The following NAV2 variants were observed in gnomAD, a reference collection of about 807,000 sequenced individuals.
NAV2 encodes the protein helicase, APC down-regulated 1.
In NAV2, 54 loss-of-function variants were observed where a neutral mutation model predicts 223.2. The ratio of observed to expected loss-of-function variants is 0.24; its 90% confidence interval spans 0.19 to 0.30. NAV2 has a LOEUF of 0.30. NAV2 is among the 10% of genes least tolerant of loss of function. The pLI is 1.00. For synonymous variants in NAV2, 1,279 were observed against 1,239.3 expected (o/e 1.03, Z -0.67); for missense variants, 2,806 against 3,147.5 (o/e 0.89, Z 2.60).
chr11:19,955,959 G>A lies in NAV2; in HGVS notation c.2645+6879G>A, dbSNP rs117795526. On this transcript the variant is annotated intron_variant, in intron 10 of 37. Coordinates refer to ENST00000349880, the MANE Select transcript of NAV2 (RefSeq NM_145117.5). Reference sequence around the variant, plus strand: ...TTATGGCAGGTTCCAGCAGGGTGTGGCAGGCATCTCGAGATTTGGAAAGGA... The same window carrying A: ...TTATGGCAGGTTCCAGCAGGGTGTGACAGGCATCTCGAGATTTGGAAAGGA... Among the ~76,000 whole-genome samples, 406 of 152,250 alleles carry A rather than the reference G, an allele frequency of 2.7e-3. 2 individuals are homozygous for A. The highest frequency in any genetic ancestry group is 3.7e-3 in the Non-Finnish European group (250 of 68,028).
rs1234190149 is a variant in NAV2 at position 20,114,812 on chromosome 11, C to T, written c.7164+17C>T. On this transcript the variant is annotated intron_variant, in intron 37 of 37. Coordinates refer to ENST00000349880, the MANE Select transcript of NAV2 (RefSeq NM_145117.5). Reference sequence around the variant, plus strand: ...GACCCGCTGGTGAGTCCTCAGCCACCAGAGCAGCTCAGCATTCCTTTAGCA... The same window carrying T: ...GACCCGCTGGTGAGTCCTCAGCCACTAGAGCAGCTCAGCATTCCTTTAGCA... The T allele has an allele frequency of 4.4e-6, 7 of 1,606,154 alleles. No individual in the cohort carries two copies. The highest frequency in any genetic ancestry group is 2.2e-5 in the East Asian group (1 of 44,606).
intron 5 of NAV2, among the ~76,000 whole-genome samples, chr11:19,891,374 G>A (rs1327238616): frequency 6.6e-6 from 1 of 152,188 alleles, no homozygotes; most frequent in Non-Finnish European, 1.5e-5. Flanking sequence ...AGCCTGCTTA[G>A]TAATTCCCTG....
At position 19,650,888 on chromosome 11, in the gene NAV2, G is replaced by A. The variant is rs561387732; in HGVS notation, c.76-181596G>A. On this transcript the variant is annotated intron_variant, in intron 1 of 37. Transcript: ENST00000360655. Reference sequence around the variant, plus strand: ...AAAGGCAAACTTAATCTTTAATGACGGAAAACAGAAAGTAGAGCTTTTGGG... The same window carrying A: ...AAAGGCAAACTTAATCTTTAATGACAGAAAACAGAAAGTAGAGCTTTTGGG... 5.6e-4 allele frequency among the ~76,000 whole-genome samples: 85 copies of A among 152,226 alleles called. 1 individual carries two copies. Among genetic ancestry groups the A allele is most frequent in the Non-Finnish European group, 1.1e-3 (73 of 68,006 alleles).
At chr11:19,615,366 G>A (rs1309708859) in intron 1 of NAV2, among the ~76,000 whole-genome samples, 3 of 151,908 alleles carry the variant, frequency 2.0e-5, no homozygotes, top group Non-Finnish European at 4.4e-5. Flanking sequence ...GTAAAATGGG[G>A]ATAATAATAG....
intron 1 of NAV2, among the ~76,000 whole-genome samples, chr11:19,372,146 A>T (rs1325738197): frequency 1.3e-5 from 2 of 152,220 alleles, no homozygotes; most frequent in African/African-American, 4.8e-5. Context: ...ACCTGGATAT[A>T]ATTCTAGCTT....
At chr11:19,901,007 T>C (rs1396527900) in intron 6 of NAV2, among the ~76,000 whole-genome samples, 2 of 152,228 alleles carry the variant, frequency 1.3e-5, no homozygotes, top group African/African-American at 4.8e-5. Context: ...AAGCATTCTT[T>C]CTCATTTTTT....
chr11:19,796,626 G>C (rs1218522647), intron 1 of NAV2, among the ~76,000 whole-genome samples: 2 of 152,202 alleles, frequency 1.3e-5, no homozygotes, highest in Non-Finnish European at 2.9e-5. Context: ...TGAAACTGGT[G>C]TGCCCAGTCG....
intron 1 of NAV2, among the ~76,000 whole-genome samples, chr11:19,521,400 C>T (rs758522805): frequency 1.1e-4 from 16 of 152,136 alleles, no homozygotes; most frequent in East Asian, 1.9e-4. Flanking sequence ...TTAGAATCCA[C>T]GGCCAAATCG....
intron 11 of NAV2, among the ~76,000 whole-genome samples, chr11:20,034,962 G>T (rs1301805149): frequency 6.6e-6 from 1 of 152,174 alleles, no homozygotes; most frequent in East Asian, 1.9e-4. Context: ...CAATGGAGAG[G>T]GGTGCAAAAC....
At chr11:19,534,689 T>C (rs185778472) in intron 1 of NAV2, among the ~76,000 whole-genome samples, 132 of 152,200 alleles carry the variant, frequency 8.7e-4, no homozygotes, top group Non-Finnish European at 1.6e-3. Context: ...GCAGCAGGGC[T>C]CCCTGTGCAA....
chr11:19,464,039 C>T (rs1291070011), intron 1 of NAV2, among the ~76,000 whole-genome samples: 3 of 152,190 alleles, frequency 2.0e-5, no homozygotes, highest in East Asian at 1.9e-4. Context: ...TGAAAATCCT[C>T]GAATTCAGTG....
rs539574571 is a variant in NAV2, at chr11:20,000,856, G to A, written c.2768+16609G>A. Reference sequence around the variant, plus strand: ...TCTGTAGCACGTCCTTGTGTGCTGCGGTTCCTGGCACTGTCTCTCTGCTCT... The same window carrying A: ...TCTGTAGCACGTCCTTGTGTGCTGCAGTTCCTGGCACTGTCTCTCTGCTCT... On this transcript the variant is annotated intron_variant, in intron 11 of 37. Coordinates refer to ENST00000349880, the MANE Select transcript of NAV2 (RefSeq NM_145117.5). 4.3e-4 allele frequency among the ~76,000 whole-genome samples: 65 copies of A among 152,228 alleles called. 1 individual carries two copies. The highest frequency in any genetic ancestry group is 1.4e-3 in the African/African-American group (58 of 41,538).
intron 1 of NAV2, among the ~76,000 whole-genome samples, chr11:19,474,870 C>T (rs895723901): frequency 1.3e-5 from 2 of 152,198 alleles, no homozygotes; most frequent in African/African-American, 4.8e-5. Context: ...TCAGTTTCCC[C>T]ATCTGTGAAG....
intron 3 of NAV2, among the ~76,000 whole-genome samples, chr11:19,846,860 G>A (rs1293006257): frequency 6.6e-6 from 1 of 152,172 alleles, no homozygotes; most frequent in Admixed American, 6.5e-5. Flanking sequence ...AGCAAGCCCA[G>A]CCTTGGCTTG....
rs548620658 is a variant in NAV2, at chr11:19,602,497, G to A, written c.76-229987G>A. Among the ~76,000 whole-genome samples, 9 of 152,172 alleles carry A rather than the reference G, an allele frequency of 5.9e-5. No individual in the cohort carries two copies. The South Asian group carries it at 1.7e-3, about 28-fold the overall frequency. ...AGCCACTTCTCTGCAAGTCTTGAAG[G>A]GAGAGTATATTAGTTTCCTGGGGCT... On this transcript the variant is annotated intron_variant, in intron 1 of 37. Transcript: ENST00000360655.
intron 6 of NAV2, among the ~76,000 whole-genome samples, chr11:19,907,892 C>T (rs2043002573): frequency 6.6e-6 from 1 of 152,184 alleles, no homozygotes; most frequent in South Asian, 2.1e-4. Flanking sequence ...TGCCCCATTG[C>T]TGGGGGCTGG....
intron 4 of NAV2, among the ~76,000 whole-genome samples, chr11:19,878,727 G>A (rs540904560): frequency 6.6e-6 from 1 of 152,286 alleles, no homozygotes; most frequent in East Asian, 1.9e-4. Flanking sequence ...CACTGGCAGG[G>A]CGCACTTCCT....
In NAV2 at chr11:19,622,206, G is replaced by T. The variant is rs1480474964; in HGVS notation, c.76-210278G>T. 1.3e-5 allele frequency among the ~76,000 whole-genome samples: 2 copies of T among 152,244 alleles called. 1 individual carries two copies. The highest frequency in any genetic ancestry group is 3.8e-4 in the East Asian group (2 of 5,208). ...TGGTCAATTTTGGGATAAGTGTGAT[G>T]TGGTGCTGAGAAGAATGTATATTCT... On this transcript the variant is annotated intron_variant, in intron 1 of 37. Coordinates refer to the NAV2 transcript ENST00000360655.
intron 6 of NAV2, among the ~76,000 whole-genome samples, chr11:19,921,812 C>T (rs375942258): frequency 7.2e-5 from 11 of 152,088 alleles, no homozygotes; most frequent in African/African-American, 2.2e-4. Flanking sequence ...ATTTATAGCA[C>T]GAATAAAAGA....
Sources: allele counts gnomAD v4.1 joint callset (sites outside exome capture counted in the v4.1 genomes callset), GRCh38; gene constraint gnomAD v4.1.1; transcripts MANE v1.5; gene names NCBI Gene and HGNC (gene_info 2026-07-23, HGNC 2026-07-21).